NTM: variants seen among roughly 807,000 people sequenced by gnomAD.
The protein encoded by NTM is neurotrimin, also known as IgLON family member 2.
NTM carries 13 observed loss-of-function variants against 42.1 expected under a neutral mutation model. The observed-to-expected ratio is 0.31, with a 90% CI of 0.20 to 0.49. The LOEUF (loss-of-function observed/expected upper bound fraction) is 0.49, where lower values mean the gene tolerates loss of function less well. Among genes scored for constraint, NTM ranks in the 20% least tolerant of loss-of-function variants. NTM has a pLI of 0.99. For missense variants in NTM, 373 were observed against 452.8 expected, an observed-to-expected ratio of 0.82 and a Z score of 1.60; for synonymous variants, 187 against 179.2, an observed-to-expected ratio of 1.04 and a Z score of -0.35.
chr11:131,738,141 G>A (rs2080722994), intron 1 of NTM, among the ~76,000 whole-genome samples: 1 of 152,152 alleles, frequency 6.6e-6, no homozygotes, highest in South Asian at 2.1e-4. Context: ...TGGATGGCCG[G>A]GGCCAGCCCT....
At chr11:132,215,797 T>G (rs2083729383) in intron 4 of NTM, among the ~76,000 whole-genome samples, 1 of 152,256 alleles carries the variant, frequency 6.6e-6, no homozygotes, top group Non-Finnish European at 1.5e-5. Flanking sequence ...ACAACTGGTT[T>G]GAGATGGGCC....
intron 2 of NTM, among the ~76,000 whole-genome samples, chr11:132,014,707 C>T (rs1262579926): frequency 7.9e-6 from 1 of 127,052 alleles, no homozygotes; most frequent in African/African-American, 2.9e-5. Flanking sequence ...CTATTCAGAT[C>T]ATTTACCCGC....
intron 1 of NTM, among the ~76,000 whole-genome samples, chr11:131,738,378 A>G (rs150476122): frequency 2.2e-3 from 339 of 152,238 alleles, no homozygotes; most frequent in African/African-American, 7.5e-3. Flanking sequence ...CACATTTCCC[A>G]TGGTCTCTAC....
intron 1 of NTM, among the ~76,000 whole-genome samples, chr11:131,658,698 G>C (rs1395518904): frequency 1.3e-5 from 2 of 152,172 alleles, no homozygotes; most frequent in Non-Finnish European, 2.9e-5. Context: ...GGCCGGACGC[G>C]GTGGCTCACG....
At chr11:131,730,518 C>G (rs535292047) in intron 1 of NTM, among the ~76,000 whole-genome samples, 2 of 151,896 alleles carry the variant, frequency 1.3e-5, no homozygotes, top group East Asian at 1.9e-4. Flanking sequence ...AGTTTGGGAC[C>G]AGCCTGAGTA....
At chr11:131,482,391 C>T (rs1406467257) in intron 1 of NTM, among the ~76,000 whole-genome samples, 1 of 152,206 alleles carries the variant, frequency 6.6e-6, no homozygotes, top group Non-Finnish European at 1.5e-5. Flanking sequence ...ATACATCATG[C>T]ATATTCATGG....
At chr11:131,792,578 C>T (rs1565557988) in intron 1 of NTM, among the ~76,000 whole-genome samples, 1 of 152,148 alleles carries the variant, frequency 6.6e-6, no homozygotes, top group Non-Finnish European at 1.5e-5. Flanking sequence ...TATTTAATGC[C>T]ATCACCACCT....
chr11:131,930,696 C>T (rs978477086), intron 2 of NTM, among the ~76,000 whole-genome samples: 3 of 152,204 alleles, frequency 2.0e-5, no homozygotes, highest in Admixed American at 1.3e-4. Flanking sequence ...TGTTTATTTC[C>T]TCCTTTCCTT....
intron 4 of NTM, among the ~76,000 whole-genome samples, chr11:132,245,651 C>G (rs1196908658): frequency 6.6e-6 from 1 of 152,094 alleles, no homozygotes; most frequent in African/African-American, 2.4e-5. Flanking sequence ...CAGAGCGTCA[C>G]GGGGACTCTG....
chr11:132,159,817 G>T (rs2073938515), intron 3 of NTM, among the ~76,000 whole-genome samples: 1 of 152,196 alleles, frequency 6.6e-6, no homozygotes, highest in African/African-American at 2.4e-5. Context: ...ACAGGCTGGA[G>T]CCCAGCGAGC....
chr11:131,743,320 T>C (rs1350172127), intron 1 of NTM, among the ~76,000 whole-genome samples: 2 of 152,042 alleles, frequency 1.3e-5, no homozygotes, highest in Non-Finnish European at 2.9e-5. Context: ...GAAATAATTT[T>C]GATAGAGATA....
intron 1 of NTM, among the ~76,000 whole-genome samples, chr11:131,565,390 C>T (rs1195371442): frequency 2.0e-5 from 3 of 152,200 alleles, no homozygotes; most frequent in Non-Finnish European, 2.9e-5. Context: ...AGCGTCTCCT[C>T]GTGAGGTTTC....
chr11:131,882,724 AAAAG>A, intron 1 of NTM, among the ~76,000 whole-genome samples: 1 of 152,334 alleles, frequency 6.6e-6, no homozygotes, highest in East Asian at 1.9e-4. Context: ...GCTGGATAGA[AAAAG>A]AAAGGGAACA....
chr11:131,585,506 G>A (rs952143363), intron 1 of NTM, among the ~76,000 whole-genome samples: 2 of 152,208 alleles, frequency 1.3e-5, no homozygotes, highest in African/African-American at 4.8e-5. Context: ...CCCGCAGAGG[G>A]CGCCCAAGCC....
chr11:131,428,245 C>T (rs1677313476), intron 1 of NTM, among the ~76,000 whole-genome samples: 1 of 152,202 alleles, frequency 6.6e-6, no homozygotes, highest in African/African-American at 2.4e-5. Context: ...ACGCCTGTCA[C>T]TCTTCTCTCT....
At chr11:132,215,878 G>T (rs1443541956) in intron 4 of NTM, among the ~76,000 whole-genome samples, 1 of 152,188 alleles carries the variant, frequency 6.6e-6, no homozygotes. Context: ...CCTCTCACTA[G>T]CAGGAGCCAT....
chr11:131,829,458 C>A (rs538947653), intron 1 of NTM, among the ~76,000 whole-genome samples: 1 of 152,226 alleles, frequency 6.6e-6, no homozygotes, highest in African/African-American at 2.4e-5. Context: ...TCTGTTCCTG[C>A]ATTAATTCAC....
chr11:131,884,279 C>G (rs1484975596), intron 1 of NTM, among the ~76,000 whole-genome samples: 2 of 152,044 alleles, frequency 1.3e-5, no homozygotes, highest in Non-Finnish European at 2.9e-5. Context: ...CATGGTGGTG[C>G]ATGCCTGTAA....
At chr11:132,329,037 A>C (rs750816397) in intron 7 of NTM, among the ~76,000 whole-genome samples, 2 of 152,196 alleles carry the variant, frequency 1.3e-5, no homozygotes, top group Non-Finnish European at 2.9e-5. Context: ...GCCCACTTAA[A>C]TCAAGAGGGA....
Sources: gnomAD v4.1 joint callset for allele counts (sites outside exome capture counted in the v4.1 genomes callset) on GRCh38, gnomAD v4.1.1 for gene constraint, MANE v1.5 for transcripts, NCBI Gene and HGNC (gene_info 2026-07-23, HGNC 2026-07-21) for gene names.